The following ADGRL4 variants were observed in gnomAD, a reference collection of about 807,000 sequenced individuals.
ADGRL4 encodes the protein EGF, latrophilin and seven transmembrane domain containing 1.
Under a neutral mutation model 74.8 loss-of-function variants are expected in ADGRL4, and 90 were observed. The ratio of observed to expected loss-of-function variants is 1.20; its 90% CI spans 1.02 to 1.43. ADGRL4 has a LOEUF of 1.43. ADGRL4 is among the 40% of genes most tolerant of loss of function. The pLI is 0.00. For missense variants in ADGRL4, 881 were observed against 814.3 expected, an observed-to-expected ratio of 1.08 and a Z score of -1.00; for synonymous variants, 311 against 279.2, an observed-to-expected ratio of 1.11 and a Z score of -1.14.
At chr1:78,947,645 T>A (rs970962529) in intron 2 of ADGRL4, among the ~76,000 whole-genome samples, 1 of 152,002 alleles carries the variant, frequency 6.6e-6, no homozygotes, top group African/African-American at 2.4e-5. Flanking sequence ...CTGGAGAATA[T>A]AGGATAGGTA....
At chr1:78,918,095 T>C (rs1216982914) in intron 10 of ADGRL4, 45 bp from the exon 11 acceptor site, 1 of 1,485,328 alleles carries the variant, frequency 6.7e-7, no homozygotes, top group Admixed American at 1.9e-5. Context: ...GTGTTTGTTT[T>C]AAAATTATCA....
At chr1:78,971,319 G>A (rs553303950) in intron 2 of ADGRL4, among the ~76,000 whole-genome samples, 2 of 152,198 alleles carry the variant, frequency 1.3e-5, no homozygotes, top group Admixed American at 1.3e-4. Context: ...GGATACATGT[G>A]CATAACGTGC....
chr1:78,937,479 T>G (rs1328668875), intron 6 of ADGRL4, among the ~76,000 whole-genome samples: 1 of 152,104 alleles, frequency 6.6e-6, no homozygotes, highest in Non-Finnish European at 1.5e-5. Flanking sequence ...AAAAGATCAT[T>G]GGTCAAGGTA....
At chr1:78,938,832 A>G (rs1194981877) in intron 4 of ADGRL4, among the ~76,000 whole-genome samples, 1 of 152,126 alleles carries the variant, frequency 6.6e-6, no homozygotes, top group African/African-American at 2.4e-5. Flanking sequence ...ACTTTGAAGT[A>G]CCAAATCTAG....
chr1:78,994,747 T>C (rs1650680064), intron 2 of ADGRL4, among the ~76,000 whole-genome samples: 1 of 152,202 alleles, frequency 6.6e-6, no homozygotes, highest in African/African-American at 2.4e-5. Context: ...GTCCCAGTAT[T>C]GAAAGGGTCT....
chr1:78,971,309 G>A (rs148285408), intron 2 of ADGRL4, among the ~76,000 whole-genome samples: 93 of 152,162 alleles, frequency 6.1e-4, no homozygotes, highest in African/African-American at 2.1e-3. Flanking sequence ...TTAAGTTTTA[G>A]GATACATGTG....
At chr1:79,001,393 A>G (rs1650841276) in intron 2 of ADGRL4, among the ~76,000 whole-genome samples, 1 of 152,082 alleles carries the variant, frequency 6.6e-6, no homozygotes. Context: ...GAAAACTGAA[A>G]ACAAATATTT....
chr1:79,005,926 GA>G (rs141917149), intron 1 of ADGRL4, among the ~76,000 whole-genome samples: 7,350 of 150,930 alleles, frequency 0.049, 240 homozygotes, highest in Non-Finnish European at 0.073. Flanking sequence ...ACACAAATGT[GA>G]ACAAAAAAAA....
chr1:78,971,901 A>G (rs140109912), intron 2 of ADGRL4, among the ~76,000 whole-genome samples: 2,173 of 151,982 alleles, frequency 0.014, 52 homozygotes, highest in African/African-American at 0.05. Flanking sequence ...GATTACAGGC[A>G]TGTGCCACCA....
chr1:78,963,480 G>A (rs1649994950), intron 2 of ADGRL4, among the ~76,000 whole-genome samples: 2 of 152,124 alleles, frequency 1.3e-5, no homozygotes, highest in Non-Finnish European at 2.9e-5. Flanking sequence ...GTCTCTTGAA[G>A]TCTCCTTAGG....
intron 2 of ADGRL4, among the ~76,000 whole-genome samples, chr1:78,992,798 C>A (rs918651499): frequency 4.6e-5 from 7 of 152,032 alleles, no homozygotes; most frequent in African/African-American, 1.7e-4. Flanking sequence ...TACTTTTATA[C>A]AAAAGCTATA....
chr1:78,977,101 A>C (rs1395685591), intron 2 of ADGRL4, among the ~76,000 whole-genome samples: 1 of 151,666 alleles, frequency 6.6e-6, no homozygotes, highest in African/African-American at 2.4e-5. Context: ...GTTAGCATAA[A>C]AGTTAAATTA....
At chr1:78,968,726 C>T (rs951386042) in intron 2 of ADGRL4, among the ~76,000 whole-genome samples, 4 of 152,144 alleles carry the variant, frequency 2.6e-5, no homozygotes, top group African/African-American at 9.7e-5. Context: ...GTACTTTATT[C>T]ATCTGTCATT....
intron 3 of ADGRL4, among the ~76,000 whole-genome samples, chr1:78,941,520 A>G (rs996090641): frequency 6.6e-6 from 1 of 152,158 alleles, no homozygotes; most frequent in Non-Finnish European, 1.5e-5. Flanking sequence ...TTCTATAGGT[A>G]ACAGTAAACA....
rs140725864 is a variant in ADGRL4 at position 78,952,138 on chromosome 1, C to T, written c.173-5712G>A. ...TTTTATCACTTGAGATATTATTGGC[C>T]GGGCTCAAATTGATTATAACAACTT... is the stretch of plus-strand genomic sequence containing the variant. On this transcript the variant is annotated intron_variant, in intron 2 of 14. Transcript: ENST00000370742. Among the ~76,000 whole-genome samples, 1,134 of 151,820 alleles carry T rather than the reference C, an allele frequency of 7.5e-3. 6 individuals carry two copies. Among genetic ancestry groups the T allele is most frequent in the Middle Eastern group, 0.01 (3 of 292 alleles).
chr1:78,933,778 C>T (rs1308575790), intron 7 of ADGRL4, among the ~76,000 whole-genome samples: 1 of 110,402 alleles, frequency 9.1e-6, no homozygotes, highest in South Asian at 3.0e-4. Context: ...CATTCTTTCA[C>T]ACCAACAATA....
In ADGRL4 at chr1:78,893,203, T is replaced by C. The variant is rs1210749159; in HGVS notation, c.1750-14A>G. The stretch of plus-strand genomic sequence containing the variant: ...CAAGAGATTAACCTGGAAAAAGAAT[T>C]AATTTCAAAGAAGAGATAGTTTTCA... On this transcript the variant is annotated splice_polypyrimidine_tract_variant and intron_variant, in intron 12 of 14. Transcript: ENST00000370742. The C allele has an allele frequency of 6.6e-7, 1 of 1,518,888 alleles. No homozygotes were observed. 94.1% of individuals were successfully genotyped at this position (1,518,888 alleles called of 1,614,324 possible).
At chr1:78,992,662 C>A (rs6685355) in intron 2 of ADGRL4, among the ~76,000 whole-genome samples, 89,908 of 151,858 alleles carry the variant, frequency 0.59, 27,071 homozygotes, top group South Asian at 0.69. Context: ...TGGCAATGGA[C>A]CAAATAGTTA....
intron 7 of ADGRL4, among the ~76,000 whole-genome samples, chr1:78,932,736 G>A (rs1236539658): frequency 6.6e-6 from 1 of 151,074 alleles, no homozygotes; most frequent in Non-Finnish European, 1.5e-5. Context: ...AAATGATAAG[G>A]GGGATATCAC....
Sources: allele counts gnomAD v4.1 joint callset (sites outside exome capture counted in the v4.1 genomes callset), GRCh38; gene constraint gnomAD v4.1.1; transcripts MANE v1.5; gene names NCBI Gene and HGNC (gene_info 2026-07-23, HGNC 2026-07-21).